SGCZ: variants seen among roughly 807,000 people sequenced by gnomAD.
SGCZ encodes the protein zeta-sarcoglycan.
SGCZ carries 40 observed loss-of-function variants against 41.3 expected under a neutral mutation model. The ratio of observed to expected loss-of-function variants is 0.97; its 90% CI spans 0.75 to 1.26. SGCZ has a LOEUF of 1.26. Ranked by LOEUF, SGCZ falls within the 50% of genes most tolerant of loss-of-function variation. The probability of loss-of-function intolerance (pLI) is 0.00; values close to 1 mark genes in which losing one functional copy is unlikely to be tolerated. For missense variants in SGCZ, 552 were observed against 369.8 expected (o/e 1.49, Z -4.04); for synonymous variants, 206 against 137.5 (o/e 1.50, Z -3.49).
intron 1 of SGCZ, among the ~76,000 whole-genome samples, chr8:14,697,139 T>C (rs776370458): frequency 2.0e-5 from 3 of 151,984 alleles, no homozygotes; most frequent in Admixed American, 6.6e-5. Context: ...AACATTATAT[T>C]CTAAAAATAA....
chr8:15,184,555 G>A (rs531424864), intron 1 of SGCZ, among the ~76,000 whole-genome samples: 2 of 151,066 alleles, frequency 1.3e-5, no homozygotes, highest in East Asian at 2.0e-4. Context: ...GACTGGTCCC[G>A]AAGGATTTCA....
intron 2 of SGCZ, among the ~76,000 whole-genome samples, chr8:14,551,525 A>ATT (rs1803837058): frequency 1.6e-4 from 1 of 6,124 alleles, no homozygotes; most frequent in African/African-American, 6.9e-4. Context: ...ATTATATATA[A>ATT]TATATATAAT....
rs568859037 is a variant in SGCZ at position 15,225,359 on chromosome 8, AG to A, written c.39+12225del. On this transcript the variant is annotated intron_variant, in intron 1 of 7. Transcript: ENST00000382080. ...CCTAGGACTAGTTTACTGGTCAATA[AG>A]TAGGAAATATATAAGAAAAGAAGAT... Among the ~76,000 whole-genome samples the A allele has an allele frequency of 1.1e-4, 16 of 152,350 alleles. No homozygotes were observed. The South Asian group carries it at 3.3e-3, about 32-fold the overall frequency.
At chr8:15,015,479 C>G (rs975785262) in intron 1 of SGCZ, among the ~76,000 whole-genome samples, 1 of 151,924 alleles carries the variant, frequency 6.6e-6, no homozygotes, top group Admixed American at 6.6e-5. Flanking sequence ...GCGGGTGGAT[C>G]ACGAGGTCAG....
rs753737386 is a variant in SGCZ at position 14,375,601 on chromosome 8, T to A, written c.235-51397A>T. On this transcript the variant is annotated intron_variant, in intron 2 of 7. Coordinates refer to ENST00000382080, the MANE Select transcript of SGCZ (RefSeq NM_139167.4). ...TTAAAAGACTTCAACATGGAAATTT[T>A]AAAAAAATCCTATTAAACAATACCT... is the stretch of plus-strand genomic sequence containing the variant. Among the ~76,000 whole-genome samples, 44 of 152,232 alleles carry A rather than the reference T, an allele frequency of 2.9e-4. 1 individual carries two copies. The highest frequency in any genetic ancestry group is 1.7e-3 in the Admixed American group (26 of 15,294).
intron 2 of SGCZ, among the ~76,000 whole-genome samples, chr8:14,520,214 T>G (rs1802748193): frequency 6.6e-6 from 1 of 152,076 alleles, no homozygotes; most frequent in South Asian, 2.1e-4. Flanking sequence ...AACAAAATAT[T>G]ATTTTTTCTC....
intron 1 of SGCZ, among the ~76,000 whole-genome samples, chr8:14,838,529 T>G (rs577592695): frequency 6.6e-6 from 1 of 152,244 alleles, no homozygotes; most frequent in East Asian, 1.9e-4. Context: ...AGCACCCCAA[T>G]AGTGTAGAAC....
At chr8:14,337,180 A>C (rs1452327754) in intron 2 of SGCZ, among the ~76,000 whole-genome samples, 1 of 152,138 alleles carries the variant, frequency 6.6e-6, no homozygotes, top group Admixed American at 6.6e-5. Context: ...GATGGAAGAC[A>C]TGCAGAAGCC....
At chr8:14,664,807 G>A (rs1168580620) in intron 1 of SGCZ, among the ~76,000 whole-genome samples, 1 of 152,040 alleles carries the variant, frequency 6.6e-6, no homozygotes, top group Non-Finnish European at 1.5e-5. Context: ...GTTTTTCTCT[G>A]AGAAACATGT....
intron 1 of SGCZ, among the ~76,000 whole-genome samples, chr8:14,924,820 A>G (rs567801192): frequency 1.3e-5 from 2 of 148,748 alleles, no homozygotes; most frequent in African/African-American, 4.9e-5. Flanking sequence ...ACGTTTAAGT[A>G]TGGTTCCTGT....
At chr8:14,387,630 A>G (rs1804621856) in intron 2 of SGCZ, among the ~76,000 whole-genome samples, 1 of 152,100 alleles carries the variant, frequency 6.6e-6, no homozygotes, top group Non-Finnish European at 1.5e-5. Context: ...AATATTTGCA[A>G]TTTTTATATT....
chr8:14,317,565 A>C (rs73533307), intron 3 of SGCZ, among the ~76,000 whole-genome samples: 1,921 of 151,884 alleles, frequency 0.013, 44 homozygotes, highest in African/African-American at 0.043. Context: ...AACGGAATTG[A>C]AAATCTATAA....
chr8:14,919,982 A>G (rs937975058), intron 1 of SGCZ, among the ~76,000 whole-genome samples: 3 of 152,144 alleles, frequency 2.0e-5, no homozygotes, highest in African/African-American at 7.2e-5. Context: ...TGTTATTTTT[A>G]CATCGTTGCA....
chr8:14,558,596 G>GAGAGAGAGAGAGAA (rs1804107825), intron 1 of SGCZ, among the ~76,000 whole-genome samples: 1 of 151,212 alleles, frequency 6.6e-6, no homozygotes, highest in Non-Finnish European at 1.5e-5. Context: ...GAGAGAGAGA[G>GAGAGAGAGAGAGAA]AGAGAGAGAG....
intron 1 of SGCZ, among the ~76,000 whole-genome samples, chr8:14,803,798 A>G (rs990277949): frequency 6.8e-6 from 1 of 146,288 alleles, no homozygotes; most frequent in African/African-American, 2.6e-5. Context: ...ACAAAAAGAC[A>G]GCAGTAACCT....
intron 1 of SGCZ, among the ~76,000 whole-genome samples, chr8:14,820,577 T>C (rs1383315708): frequency 1.3e-5 from 2 of 152,076 alleles, no homozygotes; most frequent in Non-Finnish European, 2.9e-5. Flanking sequence ...TTTTCCAGGA[T>C]AGATTACATG....
At chr8:14,142,463 T>G (rs532417643) in intron 5 of SGCZ, among the ~76,000 whole-genome samples, 10 of 152,290 alleles carry the variant, frequency 6.6e-5, no homozygotes, top group African/African-American at 1.9e-4. Context: ...ATGATATATT[T>G]GATTACTAAG....
intron 2 of SGCZ, among the ~76,000 whole-genome samples, chr8:14,506,424 C>A (rs113214159): frequency 6.6e-6 from 1 of 151,922 alleles, no homozygotes. Context: ...CCCCTCTCTA[C>A]GGTATTATCC....
intron 1 of SGCZ, among the ~76,000 whole-genome samples, chr8:15,035,641 C>G (rs922832824): frequency 6.6e-6 from 1 of 151,986 alleles, no homozygotes; most frequent in Admixed American, 6.6e-5. Context: ...AAAGTAAAGG[C>G]TGAAAAGATA....
Sources: allele counts gnomAD v4.1 joint callset (sites outside exome capture counted in the v4.1 genomes callset), GRCh38; gene constraint gnomAD v4.1.1; transcripts MANE v1.5; gene names NCBI Gene and HGNC (gene_info 2026-07-23, HGNC 2026-07-21).